The following CFAP100 variants were observed in gnomAD, a reference collection of about 807,000 sequenced individuals.
CFAP100 encodes the protein cilia and flagella associated protein 100.
A neutral mutation model predicts 81.5 loss-of-function variants in CFAP100; 70 were observed. That is an observed-to-expected ratio of 0.86 (90% confidence interval 0.71 to 1.05). The LOEUF is 1.05. Among genes scored for constraint, CFAP100 ranks in the 50% least tolerant of loss-of-function variants. The pLI, the probability that CFAP100 is intolerant of heterozygous loss-of-function variation, is 0.00. For missense variants in CFAP100, 811 were observed against 776.5 expected, an observed-to-expected ratio of 1.04 and a Z score of -0.53; for synonymous variants, 341 against 314.8, an observed-to-expected ratio of 1.08 and a Z score of -0.88.
intron 2 of CFAP100, among the ~76,000 whole-genome samples, chr3:126,399,208 T>G (rs879274714): frequency 3.3e-5 from 5 of 152,218 alleles, no homozygotes; most frequent in Non-Finnish European, 5.9e-5. Context: ...CTTTTGACCC[T>G]TCTTCACCTG....
chr3:126,408,186 TTC>T (rs929662884), intron 3 of CFAP100, among the ~76,000 whole-genome samples: 2 of 152,202 alleles, frequency 1.3e-5, no homozygotes, highest in African/African-American at 4.8e-5. Context: ...CCTCTGTCCT[TTC>T]TCTCTTTTTC....
At position 126,433,181 on chromosome 3, in the gene CFAP100, G is replaced by A. The variant is rs752465685; in HGVS notation, c.1399G>A (p.Gly467Ser). 32 of 1,614,068 alleles carry A rather than the reference G, an allele frequency of 2.0e-5. No individual in the cohort carries two copies. The highest frequency in any genetic ancestry group is 6.7e-5 in the East Asian group (3 of 44,878). The change falls in exon 14 of 17, where the codon GGC becomes AGC. Residue 467 changes from glycine (G) to serine (S), a missense_variant. Transcript: ENST00000352312. ...GCTCAAAGCCCGAGTCTTCCACTTC[G>A]GCGAGTACAAGGGCGATCAGCAGGT... Reference protein sequence around the residue: ...LELKARVFHFGEYKGDQQDKL... With the variant: ...LELKARVFHFSEYKGDQQDKL...
At chr3:126,397,733 G>T (rs1047245316) in intron 2 of CFAP100, among the ~76,000 whole-genome samples, 2 of 152,244 alleles carry the variant, frequency 1.3e-5, no homozygotes, top group Admixed American at 6.5e-5. Context: ...CTGGCCAGGG[G>T]CTTCAGTCAA....
chr3:126,411,093 T>C (rs920551809), intron 3 of CFAP100, among the ~76,000 whole-genome samples: 2 of 152,232 alleles, frequency 1.3e-5, no homozygotes, highest in African/African-American at 2.4e-5. Flanking sequence ...GTTTTTATCA[T>C]AAAGGGGTGC....
intron 2 of CFAP100, among the ~76,000 whole-genome samples, chr3:126,399,597 A>G (rs192694190): frequency 2.6e-5 from 4 of 152,158 alleles, no homozygotes; most frequent in Non-Finnish European, 5.9e-5. Flanking sequence ...TCTGTTCACC[A>G]GCAATGAATA....
intron 2 of CFAP100, among the ~76,000 whole-genome samples, chr3:126,398,624 A>G (rs1348490434): frequency 6.6e-6 from 1 of 152,212 alleles, no homozygotes; most frequent in Non-Finnish European, 1.5e-5. Context: ...AGTTCTGGCT[A>G]TGAGGGATGC....
intron 13 of CFAP100, among the ~76,000 whole-genome samples, chr3:126,424,313 G>A (rs1289808180): frequency 6.6e-6 from 1 of 152,242 alleles, no homozygotes; most frequent in African/African-American, 2.4e-5. Context: ...CCAGGACTGG[G>A]GCCTCTGGGG....
chr3:126,432,626 G>T (rs914720421), intron 13 of CFAP100, among the ~76,000 whole-genome samples: 1 of 150,902 alleles, frequency 6.6e-6, no homozygotes, highest in East Asian at 1.9e-4. Flanking sequence ...TTTTTATGAA[G>T]TGTTCAGGGT....
rs57702747 is a variant in CFAP100, at chr3:126,416,227, C to CCGCGTCCCCGGCCTCAGGTCTG, written c.226-81_226-80insCGGCCTCAGGTCTGCGCGTCCC. ...GGTCCCCGCGTCCTCGCGCGCAAAC[C>CCGCGTCCCCGGCCTCAGGTCTG]CGCGTCCCTAGGAATGGGGAACCGC... On this transcript the variant is annotated intron_variant, in intron 4 of 16. Transcript: ENST00000352312. 22 of 1,096,286 alleles carry CCGCGTCCCCGGCCTCAGGTCTG rather than the reference C, an allele frequency of 2.0e-5. No homozygotes were observed. The African/African-American group carries it at 3.2e-4, about 16-fold the overall frequency. The allele number at this position is 1,096,286 out of a possible 1,614,324, so 67.9% of individuals were successfully genotyped here.
chr3:126,424,129 C>T (rs1360682380), intron 13 of CFAP100, among the ~76,000 whole-genome samples: 1 of 152,240 alleles, frequency 6.6e-6, no homozygotes, highest in East Asian at 1.9e-4. Flanking sequence ...GAAGGCCAAG[C>T]CACCTGTGGG....
chr3:126,410,758 C>A lies in CFAP100; in HGVS notation c.131-3327C>A, dbSNP rs532118221. 1.9e-3 allele frequency among the ~76,000 whole-genome samples: 283 copies of A among 152,322 alleles called. 1 individual carries two copies. The highest frequency in any genetic ancestry group is 6.5e-3 in the African/African-American group (270 of 41,582). On this transcript the variant is annotated intron_variant, in intron 3 of 16. Transcript: ENST00000352312. ...AAAGAGCAGGCATCCTTGCCTTGCTCCTGGTCTGATCCTACATGGGTGGAG... is the reference window on the plus strand; with the variant it reads ...AAAGAGCAGGCATCCTTGCCTTGCTACTGGTCTGATCCTACATGGGTGGAG...
intron 3 of CFAP100, among the ~76,000 whole-genome samples, chr3:126,411,375 T>G (rs1194544927): frequency 1.4e-5 from 2 of 141,288 alleles, no homozygotes; most frequent in South Asian, 2.4e-4. Flanking sequence ...TTTTTTTTTT[T>G]TTTTTTTTTT....
chr3:126,407,976 T>G (rs2083094159), intron 3 of CFAP100, among the ~76,000 whole-genome samples: 1 of 152,166 alleles, frequency 6.6e-6, no homozygotes, highest in Non-Finnish European at 1.5e-5. Context: ...TCTGCAGAGG[T>G]CTGCAGATGT....
chr3:126,418,257 G>C (rs2083273027), intron 5 of CFAP100: 1 of 593,850 alleles, frequency 1.7e-6, no homozygotes, highest in Non-Finnish European at 3.0e-6. Context: ...TGGCCATGGA[G>C]AATGTAACAT....
At chr3:126,432,968 C>A in intron 13 of CFAP100, 101 bp from the exon 14 acceptor site, 1 of 1,394,848 alleles carries the variant, frequency 7.2e-7, no homozygotes, top group Non-Finnish European at 9.7e-7. Flanking sequence ...GCCCTCAGGA[C>A]AGCTGGTAGG....
At chr3:126,398,742 C>G (rs2082927445) in intron 2 of CFAP100, among the ~76,000 whole-genome samples, 2 of 152,226 alleles carry the variant, frequency 1.3e-5, no homozygotes, top group Non-Finnish European at 2.9e-5. Context: ...GCCTCGTGGG[C>G]AGAGTGGGCC....
Position 126,396,058 on chromosome 3 carries a change from C to A in CFAP100, c.49+9C>A, listed in dbSNP as rs192019551. The A allele has an allele frequency of 6.2e-7, 1 of 1,612,540 alleles. No individual in the cohort carries two copies. The highest frequency in any genetic ancestry group is 1.3e-5 in the African/African-American group (1 of 74,880). On this transcript the variant is annotated intron_variant, in intron 2 of 16. Coordinates refer to ENST00000352312, the MANE Select transcript of CFAP100 (RefSeq NM_182628.3). ...GAACATGACCAATGACAGTAAGTAC[C>A]GGGCCAGGGTGGGCACTCTCAGAGG...
At chr3:126,433,455 C>T in intron 14 of CFAP100, 4 of 482,250 alleles carry the variant, frequency 8.3e-6, no homozygotes, top group Admixed American at 3.5e-5. Flanking sequence ...TTCTTAAACA[C>T]ATATATTGTG....
intron 3 of CFAP100, among the ~76,000 whole-genome samples, chr3:126,408,452 C>T (rs985955100): frequency 6.6e-6 from 1 of 152,222 alleles, no homozygotes; most frequent in Non-Finnish European, 1.5e-5. Flanking sequence ...CCCTCCCTGG[C>T]CCATCCCATC....
Sources: gnomAD v4.1 joint callset for allele counts (sites outside exome capture counted in the v4.1 genomes callset) on GRCh38, gnomAD v4.1.1 for gene constraint, MANE v1.5 for transcripts, NCBI Gene and HGNC (gene_info 2026-07-23, HGNC 2026-07-21) for gene names.